NFIC: variants seen among roughly 807,000 people sequenced by gnomAD.
NFIC encodes the protein nuclear factor 1 C-type.
A neutral mutation model predicts 54.4 loss-of-function variants in NFIC; 12 were observed. That is an observed-to-expected ratio of 0.22 (90% confidence interval 0.14 to 0.36). The LOEUF (loss-of-function observed/expected upper bound fraction) is 0.36, where lower values mean the gene tolerates loss of function less well. NFIC is among the 10% of genes least tolerant of loss of function. NFIC has a pLI of 1.00. For missense variants in NFIC, 575 were observed against 718.2 expected, an observed-to-expected ratio of 0.80 and a Z score of 2.28; for synonymous variants, 322 against 319.2, an observed-to-expected ratio of 1.01 and a Z score of -0.09.
intron 3 of NFIC, among the ~76,000 whole-genome samples, chr19:3,429,134 T>TAC (rs754404318): frequency 0.039 from 2,590 of 67,124 alleles, 273 homozygotes; most frequent in East Asian, 0.19. Flanking sequence ...AAAAAAAAAA[T>TAC]ATACACACAC....
At chr19:3,445,715 A>G (rs1206634748) in intron 6 of NFIC, among the ~76,000 whole-genome samples, 3 of 152,174 alleles carry the variant, frequency 2.0e-5, no homozygotes, top group African/African-American at 7.2e-5. Context: ...TGCAGCCATC[A>G]GAGAGGACGG....
intron 2 of NFIC, among the ~76,000 whole-genome samples, chr19:3,397,329 A>G (rs1404161157): frequency 6.6e-6 from 1 of 152,214 alleles, no homozygotes; most frequent in Non-Finnish European, 1.5e-5. Context: ...TGTTTGGGGT[A>G]TGGCAGGGAC....
intron 6 of NFIC, among the ~76,000 whole-genome samples, chr19:3,441,715 G>A (rs550686319): frequency 1.4e-4 from 21 of 152,316 alleles, no homozygotes; most frequent in Middle Eastern, 3.4e-3. Flanking sequence ...GAGGGGCTGG[G>A]GGCACGGGGA....
Position 3,438,281 on chromosome 19 carries a change from G to T in NFIC, c.958+3074G>T, listed in dbSNP as rs34882718. On this transcript the variant is annotated intron_variant, in intron 6 of 10. Transcript: ENST00000443272. The stretch of plus-strand genomic sequence containing the variant: ...CTGGGGAAGGAGGTGGTAGCAATGG[G>T]GGGAGGACAAAGAGGAAGCCCCCAC... Among the ~76,000 whole-genome samples, 20 of 148,506 alleles carry T rather than the reference G, an allele frequency of 1.3e-4. 2 individuals are homozygous for T. The highest frequency in any genetic ancestry group is 1.2e-3 in the East Asian group (6 of 4,994).
chr19:3,384,856 C>T (rs2081267874), intron 2 of NFIC, among the ~76,000 whole-genome samples: 3 of 152,118 alleles, frequency 2.0e-5, no homozygotes, highest in African/African-American at 4.8e-5. Flanking sequence ...CAGGGGCCAC[C>T]GTGGGGACGG....
intron 10 of NFIC, 33 bp downstream of exon 10, chr19:3,456,668 A>C: frequency 5.6e-6 from 3 of 538,348 alleles, no homozygotes; most frequent in Non-Finnish European, 1.0e-5. Flanking sequence ...GTGGGGTGGG[A>C]GGGGCAGGGC....
At chr19:3,439,936 C>T (rs900759525) in intron 6 of NFIC, among the ~76,000 whole-genome samples, 14 of 151,990 alleles carry the variant, frequency 9.2e-5, no homozygotes, top group Non-Finnish European at 1.9e-4. Flanking sequence ...GATCTGCCCG[C>T]CTCGGCCTCC....
At chr19:3,373,789 C>A (rs2081062800) in intron 1 of NFIC, among the ~76,000 whole-genome samples, 1 of 152,206 alleles carries the variant, frequency 6.6e-6, no homozygotes, top group Non-Finnish European at 1.5e-5. Context: ...GAGCCCAGGT[C>A]CCTGCCAAGT....
rs2082679122 is a variant in NFIC at position 3,463,908 on chromosome 19, C to G, written c.*1139C>G. On this transcript the variant is annotated 3_prime_UTR_variant, in exon 11 of 11. Transcript: ENST00000443272. ...CGGAATGGCCGCGGGCCTCCTCCCC[C>G]TCCCCTCCAGCCTCTCCACCAGCCC... 1.0e-6 allele frequency: 1 copy of G among 969,884 alleles called. No individual in the cohort carries two copies. Among genetic ancestry groups the G allele is most frequent in the African/African-American group, 1.8e-5 (1 of 56,890 alleles). The allele number at this position is 969,884 out of a possible 1,614,324, so 60.1% of individuals were successfully genotyped here.
intron 2 of NFIC, among the ~76,000 whole-genome samples, chr19:3,414,381 G>T (rs1352296888): frequency 2.0e-5 from 3 of 151,988 alleles, no homozygotes; most frequent in Non-Finnish European, 2.9e-5. Context: ...CGGATCACGA[G>T]GTCAAGAGTT....
intron 6 of NFIC, 129 bp from the exon 7 acceptor site, chr19:3,448,885 T>G (rs2082412257): frequency 7.1e-7 from 1 of 1,403,268 alleles, no homozygotes; most frequent in Non-Finnish European, 9.6e-7. Flanking sequence ...CCTCTCCCCC[T>G]CAGGATTCTG....
rs745488597 is a variant in NFIC at position 3,452,664 on chromosome 19, C to G, written c.1267C>G (p.Pro423Ala). The G allele has an allele frequency of 4.4e-5, 70 of 1,604,236 alleles. 1 individual carries two copies. The highest frequency in any genetic ancestry group is 5.3e-5 in the Non-Finnish European group (62 of 1,175,672). Residue 423 changes from proline (P) to alanine (A), a missense_variant and splice_region_variant, in exon 8 of 11, where the codon CCG becomes GCG. By Grantham distance (27) the Pro-to-Ala change is conservative. This residue lies in a region of NFIC where 447 missense variants were observed against 526.9 expected (regional missense o/e 0.85). Coordinates refer to ENST00000443272, the MANE Select transcript of NFIC (RefSeq NM_001245002.2). This position sits in a 1 kb window ranked among gnomAD's most constrained non-coding sequence, Gnocchi z 5.3. ...ACDPASQQPGPLNGSGQLKMP... is the reference protein window; with the variant it reads ...ACDPASQQPGALNGSGQLKMP... ...CGACCCAGCCAGCCAGCAACCTGGA[C>G]CGGTGAGTTGGGCGGGGCGCATTCG...
At chr19:3,372,122 G>T (rs1389836785) in intron 1 of NFIC, among the ~76,000 whole-genome samples, 4 of 150,462 alleles carry the variant, frequency 2.7e-5, no homozygotes, top group Admixed American at 6.7e-5. Context: ...CTGGGTTCAC[G>T]CGATTCTCCT....
chr19:3,423,784 A>C (rs2081988235), intron 2 of NFIC, among the ~76,000 whole-genome samples: 1 of 152,124 alleles, frequency 6.6e-6, no homozygotes, highest in African/African-American at 2.4e-5. Context: ...TCGCCATCAG[A>C]GAGACCACCC....
rs1264306663 is a variant in NFIC, at chr19:3,370,131, G to A, written c.30+3465G>A. ...TTGGGGGGTGCCTACCAGGAGCAGG[G>A]GGCCTGCAGCCCCTCAGTGCCGGGA... On this transcript the variant is annotated intron_variant, in intron 1 of 10. Coordinates refer to ENST00000443272, the MANE Select transcript of NFIC (RefSeq NM_001245002.2). This position sits in a 1 kb window ranked among gnomAD's most constrained non-coding sequence, Gnocchi z 5.2. Among the ~76,000 whole-genome samples, 2 of 152,202 alleles carry A rather than the reference G, an allele frequency of 1.3e-5. No individual in the cohort carries two copies. Among genetic ancestry groups the A allele is most frequent in the Non-Finnish European group, 2.9e-5 (2 of 68,028 alleles).
In NFIC at chr19:3,387,303, G is replaced by C. The variant is rs1367035050; in HGVS notation, c.562+5060G>C. On this transcript the variant is annotated intron_variant, in intron 2 of 10. Coordinates refer to ENST00000443272, the MANE Select transcript of NFIC (RefSeq NM_001245002.2). ...GATCACCTGAGGTCAGGAGTTTGAG[G>C]CCAGCCTGGCCAACATGGTGAAACC... is the stretch of plus-strand genomic sequence containing the variant. 2.6e-5 allele frequency among the ~76,000 whole-genome samples: 4 copies of C among 152,256 alleles called. No homozygotes were observed. The South Asian group carries it at 8.3e-4, about 31-fold the overall frequency.
chr19:3,391,489 A>G (rs1314239277), intron 2 of NFIC, among the ~76,000 whole-genome samples: 2 of 152,002 alleles, frequency 1.3e-5, no homozygotes, highest in African/African-American at 2.4e-5. Context: ...TGTCTCTAAT[A>G]AAAATACAAA....
rs1046706438 is a variant in NFIC at position 3,464,318 on chromosome 19, T to C, written c.*1549T>C. Reference sequence around the variant, plus strand: ...CGCACCTTGGGGCCCCCCGCAGCCGTGTAGGGGGCCTCCCATCTGCTAAGC... The same window carrying C: ...CGCACCTTGGGGCCCCCCGCAGCCGCGTAGGGGGCCTCCCATCTGCTAAGC... On this transcript the variant is annotated 3_prime_UTR_variant, in exon 11 of 11. Transcript: ENST00000443272. 1.5e-5 allele frequency: 15 copies of C among 984,868 alleles called. No individual in the cohort carries two copies. Among genetic ancestry groups the C allele is most frequent in the African/African-American group, 1.8e-5 (1 of 57,066 alleles). The allele number at this position is 984,868 out of a possible 1,614,324, so 61.0% of individuals were successfully genotyped here.
chr19:3,364,110 AC>A, upstream of NFIC, among the ~76,000 whole-genome samples: 1 of 152,024 alleles, frequency 6.6e-6, no homozygotes, highest in African/African-American at 2.4e-5. Context: ...TGTATCTGGG[AC>A]AGTTACAGAG....
Sources: allele counts gnomAD v4.1 joint callset (sites outside exome capture counted in the v4.1 genomes callset), GRCh38; gene constraint gnomAD v4.1.1; regional missense constraint gnomAD v4.1.1; non-coding constraint Gnocchi (gnomAD v3.1); transcripts MANE v1.5; gene names NCBI Gene and HGNC (gene_info 2026-07-23, HGNC 2026-07-21).